Variants in PTPRM observed in about 807,000 individuals in gnomAD.
The protein encoded by PTPRM is protein tyrosine phosphatase receptor type M.
PTPRM carries 47 observed loss-of-function variants against 186.7 expected under a neutral mutation model. That is an observed-to-expected ratio of 0.25 (90% confidence interval 0.20 to 0.32). The LOEUF (loss-of-function observed/expected upper bound fraction) is 0.32. PTPRM is among the 10% of genes least tolerant of loss of function. The pLI, the probability that PTPRM is intolerant of heterozygous loss-of-function variation, is 1.00. For missense variants in PTPRM, 1,494 were observed against 1,865.0 expected, an observed-to-expected ratio of 0.80 and a Z score of 3.66; for synonymous variants, 668 against 674.9, an observed-to-expected ratio of 0.99 and a Z score of 0.16.
chr18:8,314,305 T>C (rs554293532), intron 20 of PTPRM, among the ~76,000 whole-genome samples: 1 of 152,230 alleles, frequency 6.6e-6, no homozygotes, highest in Admixed American at 6.5e-5. Context: ...TGCCCGCAGA[T>C]ACAGATAGGA....
rs76262325 is a variant in PTPRM at position 8,004,174 on chromosome 18, C to T, written c.1132+48760C>T. Among the ~76,000 whole-genome samples the T allele has an allele frequency of 7.9e-5, 12 of 152,216 alleles. No homozygotes were observed. In the East Asian group the frequency reaches 1.2e-3, roughly 15 times the overall value. On this transcript the variant is annotated intron_variant, in intron 7 of 32. Coordinates refer to ENST00000580170, the MANE Select transcript of PTPRM (RefSeq NM_001105244.2). Reference sequence around the variant, plus strand: ...AAGTCACTTTCTCTGATTGAGAGTGCGCTGAAAATTGTTTTGAAAACCAAA... The same window carrying T: ...AAGTCACTTTCTCTGATTGAGAGTGTGCTGAAAATTGTTTTGAAAACCAAA...
intron 1 of PTPRM, among the ~76,000 whole-genome samples, chr18:7,681,849 G>A (rs1031781741): frequency 1.1e-4 from 16 of 152,124 alleles, no homozygotes; most frequent in Non-Finnish European, 2.4e-4. Context: ...GTGGATATAA[G>A]GAGAGGGGCC....
chr18:7,881,572 T>C (rs928416144), intron 2 of PTPRM, among the ~76,000 whole-genome samples: 3 of 152,246 alleles, frequency 2.0e-5, no homozygotes, highest in African/African-American at 7.2e-5. Flanking sequence ...CCCTATCCGA[T>C]GCTTTCACTT....
At chr18:8,144,858 TTTCTC>T (rs1328550977) in intron 14 of PTPRM, among the ~76,000 whole-genome samples, 2 of 152,198 alleles carry the variant, frequency 1.3e-5, no homozygotes, top group African/African-American at 4.8e-5. Context: ...ATCTTGTTCT[TTTCTC>T]TATTGTTTCG....
intron 1 of PTPRM, among the ~76,000 whole-genome samples, chr18:7,703,485 G>T (rs139965287): frequency 0.011 from 1,670 of 152,264 alleles, 7 homozygotes; most frequent in Non-Finnish European, 0.017. Context: ...TCTATTATTG[G>T]TGTATAGAAA....
At chr18:7,651,951 C>G (rs1181181929) in intron 1 of PTPRM, among the ~76,000 whole-genome samples, 2 of 152,088 alleles carry the variant, frequency 1.3e-5, no homozygotes, top group African/African-American at 4.8e-5. Context: ...AAACTACCAT[C>G]AGAGTGAACA....
intron 2 of PTPRM, among the ~76,000 whole-genome samples, chr18:7,817,194 T>A (rs1598866126): frequency 6.6e-6 from 1 of 152,144 alleles, no homozygotes; most frequent in Non-Finnish European, 1.5e-5. Flanking sequence ...AGGCTGGTCT[T>A]GAACTCCTGA....
chr18:8,077,312 C>G (rs1265711070), intron 9 of PTPRM, among the ~76,000 whole-genome samples: 2 of 151,938 alleles, frequency 1.3e-5, no homozygotes, highest in African/African-American at 4.8e-5. Flanking sequence ...CATATGGAAC[C>G]TCTGCTTGAA....
chr18:8,074,101 T>C (rs887859524), intron 8 of PTPRM, among the ~76,000 whole-genome samples: 2 of 152,174 alleles, frequency 1.3e-5, no homozygotes, highest in Non-Finnish European at 2.9e-5. Context: ...ACTGTAAATG[T>C]TCTACATTTA....
At chr18:8,269,428 T>C (rs1025348039) in intron 19 of PTPRM, among the ~76,000 whole-genome samples, 4 of 151,966 alleles carry the variant, frequency 2.6e-5, no homozygotes, top group Admixed American at 6.6e-5. Flanking sequence ...TGTTCATGGA[T>C]TGGAAGGCTT....
chr18:7,773,715 G>A (rs566507904), intron 1 of PTPRM, among the ~76,000 whole-genome samples: 2 of 151,904 alleles, frequency 1.3e-5, no homozygotes, highest in East Asian at 3.9e-4. Context: ...TGAGTAGCTG[G>A]GATTACAGGT....
At chr18:8,107,990 T>G (rs1456654608) in intron 11 of PTPRM, among the ~76,000 whole-genome samples, 1 of 152,162 alleles carries the variant, frequency 6.6e-6, no homozygotes, top group Admixed American at 6.6e-5. Flanking sequence ...GTTTAGAGTA[T>G]TAGGGTGTCA....
intron 1 of PTPRM, among the ~76,000 whole-genome samples, chr18:7,585,908 C>T (rs1265064230): frequency 6.6e-6 from 1 of 152,206 alleles, no homozygotes; most frequent in Non-Finnish European, 1.5e-5. Context: ...CTAATCAGCA[C>T]TGAAGTTCTT....
At chr18:7,650,953 A>G (rs952644416) in intron 1 of PTPRM, among the ~76,000 whole-genome samples, 10 of 146,480 alleles carry the variant, frequency 6.8e-5, no homozygotes, top group Non-Finnish European at 4.5e-5. Flanking sequence ...TTTTTTTGAG[A>G]CAGTGTCTTG....
Position 7,605,639 on chromosome 18 carries a change from G to A in PTPRM, c.73+37748G>A, listed in dbSNP as rs144522138. On this transcript the variant is annotated intron_variant, in intron 1 of 32. Transcript: ENST00000580170. ...TCCTTGGTTATTTTGCAGAGTTCCA[G>A]TTGTGTGGGATGAGTTAATGTTAAC... Among the ~76,000 whole-genome samples, 77 of 152,298 alleles carry A rather than the reference G, an allele frequency of 5.1e-4. 1 individual carries two copies. In the East Asian group the frequency reaches 0.014, roughly 27 times the overall value.
At chr18:7,756,361 G>A (rs186205455) in intron 1 of PTPRM, among the ~76,000 whole-genome samples, 3 of 152,326 alleles carry the variant, frequency 2.0e-5, no homozygotes, top group African/African-American at 7.2e-5. Flanking sequence ...GCTTTAGTTT[G>A]TAAAGGATTG....
rs912657949 is a variant in PTPRM, at chr18:8,296,286, G to C, written c.2755-82G>C. On this transcript the variant is annotated intron_variant, in intron 19 of 32. Transcript: ENST00000580170. ...CTTTCCTTCTTGACCCTTGTTCTAC[G>C]TTTTTTAAGAACATCCTCCATCGTT... The C allele has an allele frequency of 5.8e-6, 5 of 866,958 alleles. No homozygotes were observed. The Admixed American group carries it at 7.4e-5, about 13-fold the overall frequency. 53.7% of individuals were successfully genotyped at this position (866,958 alleles called of 1,614,324 possible). A position where few individuals can be genotyped will look rare whatever the true frequency, so the allele number is the denominator to read the frequency against.
At chr18:8,279,548 G>T (rs976797937) in intron 19 of PTPRM, among the ~76,000 whole-genome samples, 1 of 152,156 alleles carries the variant, frequency 6.6e-6, no homozygotes. Context: ...CTCCAGCAGT[G>T]GGGTGGAGCT....
intron 1 of PTPRM, among the ~76,000 whole-genome samples, chr18:7,594,486 GA>G (rs374543175): frequency 0.025 from 3,513 of 142,080 alleles, 138 homozygotes; most frequent in African/African-American, 0.085. Context: ...TCTCAAAAAC[GA>G]AAAAAAAAAC....
Sources: gnomAD v4.1 joint callset for allele counts (sites outside exome capture counted in the v4.1 genomes callset) on GRCh38, gnomAD v4.1.1 for gene constraint, MANE v1.5 for transcripts, NCBI Gene and HGNC (gene_info 2026-07-23, HGNC 2026-07-21) for gene names.